The following COL17A1 variants were observed in gnomAD, a reference collection of about 807,000 sequenced individuals.
COL17A1 encodes the protein collagen type XVII alpha 1 chain.
Under a neutral mutation model 218.4 loss-of-function variants are expected in COL17A1, and 181 were observed. The ratio of observed to expected loss-of-function variants is 0.83; its 90% CI spans 0.73 to 0.94. The LOEUF is 0.94. Ranked by LOEUF, COL17A1 falls within the 40% of genes least tolerant of loss-of-function variation. The pLI is 0.00. For synonymous variants in COL17A1, 721 were observed against 731.0 expected (o/e 0.99, Z 0.22); for missense variants, 1,924 against 1,945.9 (o/e 0.99, Z 0.21).
chr10:104,041,205 T>A, intron 38 of COL17A1, 87 bp from the exon 39 acceptor site: 1 of 1,608,768 alleles, frequency 6.2e-7, no homozygotes, highest in Non-Finnish European at 8.5e-7. Context: ...GGAAGCTCTT[T>A]CCTATAAGCC....
intron 13 of COL17A1, among the ~76,000 whole-genome samples, chr10:104,060,527 CT>C (rs909928442): frequency 2.4e-4 from 37 of 152,212 alleles, no homozygotes; most frequent in African/African-American, 8.9e-4. Flanking sequence ...CTCTGGATGG[CT>C]GGTTTATGGG....
intron 33 of COL17A1, 55 bp from the exon 34 acceptor site, chr10:104,043,915 C>A: frequency 6.3e-7 from 1 of 1,594,670 alleles, no homozygotes; most frequent in Non-Finnish European, 8.6e-7. Context: ...ATTAGTGGCT[C>A]AATAAGCCAT....
intron 15 of COL17A1, chr10:104,059,407 C>A: frequency 1.7e-6 from 1 of 586,334 alleles, no homozygotes; most frequent in Non-Finnish European, 3.1e-6. Flanking sequence ...CAGAGGCAGG[C>A]TTTTGCTTCA....
chr10:104,056,036 G>A (rs772179195), intron 17 of COL17A1, 33 bp from the exon 18 acceptor site: 1 of 1,613,200 alleles, frequency 6.2e-7, no homozygotes, highest in Non-Finnish European at 8.5e-7. Context: ...GCGTCACTGA[G>A]GGCCCGGTCC....
intron 10 of COL17A1, 113 bp downstream of exon 10, chr10:104,064,325 A>G (rs2086607745): frequency 6.5e-7 from 1 of 1,548,444 alleles, no homozygotes; most frequent in Non-Finnish European, 8.8e-7. Flanking sequence ...TGGCCACAGA[A>G]AGCCTCTCCA....
chr10:104,040,999 G>A (rs2086353751), intron 39 of COL17A1, 66 bp downstream of exon 39: 2 of 1,580,090 alleles, frequency 1.3e-6, no homozygotes, highest in Admixed American at 3.3e-5. Flanking sequence ...CAAGGCTACG[G>A]CCACAGTCTG....
rs805715 is a variant in COL17A1, at chr10:104,042,230, A to C, written c.2551+190T>G. On this transcript the variant is annotated intron_variant, in intron 36 of 55. Coordinates refer to ENST00000648076, the MANE Select transcript of COL17A1 (RefSeq NM_000494.4). ...CCCCTGGTCCTCTTGTAATCCCAGA[A>C]CTTCTCTGACAGCTGCCCCAAGCCC... Among the ~76,000 whole-genome samples, 15,365 of 152,114 alleles carry C rather than the reference A, an allele frequency of 0.1. 1,046 individuals carry two copies. The highest frequency in any genetic ancestry group is 0.14 in the Non-Finnish European group (9,424 of 67,970).
At chr10:104,034,538 C>CT (rs1263687775) in intron 51 of COL17A1, 83 bp downstream of exon 51, 1 of 1,555,558 alleles carries the variant, frequency 6.4e-7, no homozygotes, top group Non-Finnish European at 8.7e-7. Context: ...CTTCCTGTCC[C>CT]TTTAAGTGCC....
intron 9 of COL17A1, among the ~76,000 whole-genome samples, chr10:104,070,141 A>G (rs558827096): frequency 1.3e-5 from 2 of 152,204 alleles, no homozygotes; most frequent in African/African-American, 4.8e-5. Flanking sequence ...CTAATAATCA[A>G]CATAACTAAA....
chr10:104,034,793 G>C (rs1187435604), intron 50 of COL17A1, 26 bp from the exon 51 acceptor site: 1 of 1,608,434 alleles, frequency 6.2e-7, no homozygotes, highest in Non-Finnish European at 8.5e-7. Flanking sequence ...AGAAAGAAAG[G>C]TCGGGGTAGT....
At chr10:104,073,842 C>T (rs1401767901) in intron 6 of COL17A1, 1 of 332,192 alleles carries the variant, frequency 3.0e-6, no homozygotes, top group African/African-American at 2.1e-5. Flanking sequence ...ACTCGCTGCT[C>T]TGCTTCTTTG....
In COL17A1 at chr10:104,047,825, G is replaced by T; in HGVS notation, c.2264-15C>A. On this transcript the variant is annotated splice_polypyrimidine_tract_variant and intron_variant, in intron 30 of 55. Coordinates refer to ENST00000648076, the MANE Select transcript of COL17A1 (RefSeq NM_000494.4). ...ACCTTGTTCACCTAGAGAGAGAATG[G>T]CCAACGTGGAAGTGTTTACATTTAG... 6.2e-7 allele frequency: 1 copy of T among 1,609,508 alleles called. No individual in the cohort carries two copies. The highest frequency in any genetic ancestry group is 1.3e-5 in the African/African-American group (1 of 74,946).
chr10:104,050,969 C>A (rs2086463879), intron 25 of COL17A1, 68 bp from the exon 26 acceptor site: 1 of 1,607,440 alleles, frequency 6.2e-7, no homozygotes. Context: ...GACATGTATG[C>A]ACACACATGC....
At position 104,062,473 on chromosome 10, in the gene COL17A1, T is replaced by G. The variant is rs77429934; in HGVS notation, c.839-144A>C. ...AAACTTCCTCGGTTCCCACACTCTT[T>G]GTAACGTAGTAAATTTGTTAATACC... On this transcript the variant is annotated intron_variant, in intron 11 of 55. Coordinates refer to ENST00000648076, the MANE Select transcript of COL17A1 (RefSeq NM_000494.4). 3.6e-4 allele frequency: 395 copies of G among 1,106,738 alleles called. 1 individual carries two copies. In the African/African-American group the frequency reaches 5.5e-3, roughly 15 times the overall value. 68.6% of individuals were successfully genotyped at this position (1,106,738 alleles called of 1,614,324 possible).
chr10:104,067,548 A>C (rs1370314931), intron 9 of COL17A1, among the ~76,000 whole-genome samples: 4 of 152,204 alleles, frequency 2.6e-5, no homozygotes, highest in African/African-American at 9.6e-5. Context: ...GAGAAAGCCA[A>C]AGCTGTCCAT....
rs755166549 is a variant in COL17A1 at position 104,054,071 on chromosome 10, AG to A, written c.1771+20del. 58 of 1,613,152 alleles carry A rather than the reference AG, an allele frequency of 3.6e-5. No individual in the cohort carries two copies. The highest frequency in any genetic ancestry group is 8.4e-5 in the Admixed American group (5 of 59,868). On this transcript the variant is annotated intron_variant, in intron 21 of 55. Coordinates refer to ENST00000648076, the MANE Select transcript of COL17A1 (RefSeq NM_000494.4). ...GCAGCTGCAACACTGGCAGGCCTGG[AG>A]GTCATCAGAGAGTACATACCTGGAG... is the stretch of plus-strand genomic sequence containing the variant.
intron 48 of COL17A1, among the ~76,000 whole-genome samples, chr10:104,036,066 A>AGTGTGAGTATGGGT (rs1564671172): frequency 3.7e-4 from 3 of 8,050 alleles, no homozygotes; most frequent in Admixed American, 1.5e-3. Flanking sequence ...GTATGGGAGT[A>AGTGTGAGTATGGGT]TGTGTATGGG....
chr10:104,048,061 T>C lies in COL17A1; in HGVS notation c.2263+8A>G. 6.2e-7 allele frequency: 1 copy of C among 1,614,096 alleles called. No individual in the cohort carries two copies. Among genetic ancestry groups the C allele is most frequent in the East Asian group, 2.2e-5 (1 of 44,882 alleles). The stretch of plus-strand genomic sequence containing the variant: ...AGTGAGGCTGGGGGCAGCAGATGAG[T>C]GACCAACCTCTTGGGCCTTGGTGTC... On this transcript the variant is annotated splice_region_variant and intron_variant, in intron 30 of 55. Transcript: ENST00000648076.
intron 11 of COL17A1, 123 bp from the exon 12 acceptor site, chr10:104,062,452 T>C: frequency 7.7e-7 from 1 of 1,295,014 alleles, no homozygotes; most frequent in Non-Finnish European, 1.1e-6. Context: ...ATTCCCAAAC[T>C]TCCTCGGTTC....
Sources: allele counts gnomAD v4.1 joint callset (sites outside exome capture counted in the v4.1 genomes callset), GRCh38; gene constraint gnomAD v4.1.1; transcripts MANE v1.5; gene names NCBI Gene and HGNC (gene_info 2026-07-23, HGNC 2026-07-21).